Variants in JAZF1 observed in about 807,000 individuals in gnomAD.
JAZF1 encodes the protein JAZF zinc finger 1.
JAZF1 carries 8 observed loss-of-function variants against 26.4 expected under a neutral mutation model. The ratio of observed to expected loss-of-function variants is 0.30; its 90% CI spans 0.18 to 0.55. The LOEUF (loss-of-function observed/expected upper bound fraction) is 0.55, where lower values mean the gene tolerates loss of function less well. JAZF1 is among the 20% of genes least tolerant of loss of function. The probability of loss-of-function intolerance (pLI) is 0.94; values close to 1 mark genes in which losing one functional copy is unlikely to be tolerated. For synonymous variants in JAZF1, 126 were observed against 122.3 expected, an observed-to-expected ratio of 1.03 and a Z score of -0.20; for missense variants, 199 against 322.0, an observed-to-expected ratio of 0.62 and a Z score of 2.92.
At chr7:28,162,542 A>G (rs1045136424) in intron 1 of JAZF1, among the ~76,000 whole-genome samples, 1 of 152,242 alleles carries the variant, frequency 6.6e-6, no homozygotes, top group Admixed American at 6.5e-5. Context: ...CTTAAGCTGA[A>G]ACATTTACAA....
intron 4 of JAZF1, among the ~76,000 whole-genome samples, chr7:27,837,502 G>C (rs1276238538): frequency 2.6e-5 from 4 of 152,256 alleles, no homozygotes; most frequent in African/African-American, 9.6e-5. Flanking sequence ...TGTGCTGGGT[G>C]CTGAGGAGGG....
intron 2 of JAZF1, among the ~76,000 whole-genome samples, chr7:27,978,747 A>C (rs1378806408): frequency 6.6e-6 from 1 of 152,240 alleles, no homozygotes; most frequent in Non-Finnish European, 1.5e-5. Context: ...AATGCATATC[A>C]GCATAGCAGA....
At position 27,991,797 on chromosome 7, in the gene JAZF1, G is replaced by A. The variant is rs1356101445; in HGVS notation, c.188+112C>T. ...ACAGGTTGCTTTTAAATAGTTTCAT[G>A]CAAATATTTTAAGACTGAAAACATT... is the stretch of plus-strand genomic sequence containing the variant. On this transcript the variant is annotated intron_variant, in intron 2 of 4. Coordinates refer to ENST00000283928, the MANE Select transcript of JAZF1 (RefSeq NM_175061.4). 11 of 672,388 alleles carry A rather than the reference G, an allele frequency of 1.6e-5. No individual in the cohort carries two copies. The East Asian group carries it at 2.3e-4, about 14-fold the overall frequency. 41.7% of individuals were successfully genotyped at this position (672,388 alleles called of 1,614,324 possible).
intron 3 of JAZF1, among the ~76,000 whole-genome samples, chr7:27,847,976 A>G (rs1422399530): frequency 1.3e-5 from 2 of 152,146 alleles, no homozygotes; most frequent in African/African-American, 4.8e-5. Context: ...CTATAATATA[A>G]TTTTAAAGCA....
intron 3 of JAZF1, among the ~76,000 whole-genome samples, chr7:27,848,343 G>T (rs1335775699): frequency 1.3e-5 from 2 of 152,010 alleles, no homozygotes; most frequent in Non-Finnish European, 2.9e-5. Flanking sequence ...TTCTTTTTCA[G>T]CTAGGTTGTT....
chr7:28,087,215 G>T (rs1784225037), intron 1 of JAZF1, among the ~76,000 whole-genome samples: 1 of 152,016 alleles, frequency 6.6e-6, no homozygotes, highest in Non-Finnish European at 1.5e-5. Flanking sequence ...ATCCTTAAAA[G>T]GTGGATTCAT....
At chr7:27,873,230 C>T (rs532562525) in intron 3 of JAZF1, among the ~76,000 whole-genome samples, 1 of 152,316 alleles carries the variant, frequency 6.6e-6, no homozygotes, top group African/African-American at 2.4e-5. Context: ...AACCTCCTAA[C>T]TGATATGCCA....
intron 2 of JAZF1, among the ~76,000 whole-genome samples, chr7:27,933,826 G>A (rs772860878): frequency 6.6e-6 from 1 of 151,926 alleles, no homozygotes; most frequent in Non-Finnish European, 1.5e-5. Context: ...GGTTGGAGTG[G>A]AAAAAAACCT....
chr7:28,069,071 A>G (rs1174676318), intron 1 of JAZF1, among the ~76,000 whole-genome samples: 5 of 152,234 alleles, frequency 3.3e-5, no homozygotes, highest in Non-Finnish European at 5.9e-5. Context: ...AAGGATCTTC[A>G]GCACAGGAGG....
In JAZF1 at chr7:28,050,855, C is replaced by T. The variant is rs374503376; in HGVS notation, c.116-58874G>A. On this transcript the variant is annotated intron_variant, in intron 1 of 4. Transcript: ENST00000283928. ...GCATATTAAAGCCTACCACAATGGC[C>T]GGGTGTGGTGGCTCATGCCTGTAAT... 5.2e-3 allele frequency among the ~76,000 whole-genome samples: 792 copies of T among 152,220 alleles called. 4 individuals carry two copies. Among genetic ancestry groups the T allele is most frequent in the Middle Eastern group, 0.014 (4 of 294 alleles).
intron 2 of JAZF1, among the ~76,000 whole-genome samples, chr7:27,991,592 G>A (rs1785905004): frequency 6.6e-6 from 1 of 152,054 alleles, no homozygotes; most frequent in Non-Finnish European, 1.5e-5. Flanking sequence ...GATTTAAAAG[G>A]TTCACTCGAA....
chr7:28,116,111 C>A (rs1784737164), intron 1 of JAZF1, among the ~76,000 whole-genome samples: 1 of 152,186 alleles, frequency 6.6e-6, no homozygotes, highest in Admixed American at 6.5e-5. Context: ...TAATGAGACA[C>A]CTACTCTATA....
At chr7:28,104,177 G>A (rs1784516793) in intron 1 of JAZF1, among the ~76,000 whole-genome samples, 1 of 152,040 alleles carries the variant, frequency 6.6e-6, no homozygotes, top group African/African-American at 2.4e-5. Flanking sequence ...TCTCCCTGGG[G>A]CGACTCCCCA....
chr7:27,853,476 G>A (rs1372167648), intron 3 of JAZF1, among the ~76,000 whole-genome samples: 1 of 152,138 alleles, frequency 6.6e-6, no homozygotes. Flanking sequence ...CGACGGGAGG[G>A]TGTCCTGTCC....
chr7:28,087,319 T>TAA (rs79968014), intron 1 of JAZF1, among the ~76,000 whole-genome samples: 28 of 142,282 alleles, frequency 2.0e-4, no homozygotes, highest in Non-Finnish European at 3.1e-4. Context: ...CCTTTAGAAG[T>TAA]AAAAAAAAAA....
At chr7:27,845,547 AT>A (rs2128332542) in intron 3 of JAZF1, among the ~76,000 whole-genome samples, 1 of 152,048 alleles carries the variant, frequency 6.6e-6, no homozygotes, top group African/African-American at 2.4e-5. Flanking sequence ...AAATACAAAA[AT>A]TAGCTGAACG....
chr7:27,975,291 T>C (rs958579706), intron 2 of JAZF1, among the ~76,000 whole-genome samples: 8 of 151,972 alleles, frequency 5.3e-5, no homozygotes, highest in Non-Finnish European at 7.4e-5. Context: ...AACAACCAGA[T>C]CCTGTGAGAA....
intron 1 of JAZF1, among the ~76,000 whole-genome samples, chr7:28,103,791 A>G (rs1784510181): frequency 2.6e-5 from 4 of 151,786 alleles, no homozygotes; most frequent in Admixed American, 2.6e-4. Flanking sequence ...GACTATTGCA[A>G]TCCCCTCTTA....
intron 1 of JAZF1, among the ~76,000 whole-genome samples, chr7:28,068,214 C>T (rs1380589636): frequency 1.4e-5 from 2 of 147,738 alleles, no homozygotes; most frequent in African/African-American, 5.0e-5. Context: ...CGTGCTCAGC[C>T]TAGTTTTTTT....
Sources: gnomAD v4.1 joint callset for allele counts (sites outside exome capture counted in the v4.1 genomes callset) on GRCh38, gnomAD v4.1.1 for gene constraint, MANE v1.5 for transcripts, NCBI Gene and HGNC (gene_info 2026-07-23, HGNC 2026-07-21) for gene names.